CSPP1: variants seen among roughly 807,000 people sequenced by gnomAD.
CSPP1 encodes the protein centrosome and spindle pole-associated protein 1.
CSPP1 carries 126 observed loss-of-function variants against 164.4 expected under a neutral mutation model. That is an observed-to-expected ratio of 0.77 (90% CI 0.66 to 0.89). The LOEUF (loss-of-function observed/expected upper bound fraction) is 0.89. Among genes scored for constraint, CSPP1 ranks in the 40% least tolerant of loss-of-function variants. CSPP1 has a pLI of 0.00. For synonymous variants in CSPP1, 472 were observed against 476.7 expected (o/e 0.99, Z 0.13); for missense variants, 1,395 against 1,449.8 (o/e 0.96, Z 0.61).
chr8:67,129,475 A>G (rs1479394081), intron 15 of CSPP1, among the ~76,000 whole-genome samples: 2 of 152,204 alleles, frequency 1.3e-5, no homozygotes, highest in Non-Finnish European at 2.9e-5. Flanking sequence ...GCAGTTCCTT[A>G]AAAAGAATAT....
chr8:67,076,502 T>G lies in CSPP1; in HGVS notation c.120T>G (p.Leu40=), dbSNP rs1807948120. 3.1e-6 allele frequency: 5 copies of G among 1,591,038 alleles called. No homozygotes were observed. The African/African-American group carries it at 6.8e-5, about 22-fold the overall frequency. Residue 40 remains leucine (L), a synonymous_variant, in exon 3 of 31, where the codon CTT becomes CTG. Transcript: ENST00000678616. The part of the protein sequence containing the change: ...MEMKGKLSAK[L]SENSKILISM... Reference sequence around the variant, plus strand: ...TTCAGGGAAAGTTGTCAGCGAAGCTTTCTGAAAACAGTAAGATACTGATCT... The same window carrying G: ...TTCAGGGAAAGTTGTCAGCGAAGCTGTCTGAAAACAGTAAGATACTGATCT...
At chr8:67,095,264 T>G (rs772501172) in intron 6 of CSPP1, 29 bp from the exon 7 acceptor site, 3 of 1,434,062 alleles carry the variant, frequency 2.1e-6, no homozygotes, top group Non-Finnish European at 2.8e-6. Flanking sequence ...TGTCAAGTTT[T>G]GTTTCTTTTT....
In CSPP1 at chr8:67,195,387, G is replaced by T; in HGVS notation, c.3475G>T (p.Glu1159Ter). 5 of 1,613,270 alleles carry T rather than the reference G, an allele frequency of 3.1e-6. No homozygotes were observed. The highest frequency in any genetic ancestry group is 4.2e-6 in the Non-Finnish European group (5 of 1,179,286). The change falls in exon 31 of 31, where the codon GAG (glutamate) becomes TAG (stop). Residue 1159 changes from glutamate to a stop codon, truncating the protein, a stop_gained. Coordinates refer to ENST00000678616, the MANE Select transcript of CSPP1 (RefSeq NM_001382391.1). LOFTEE classifies it high-confidence loss of function. ...GTGTCCCTTGCCTCCTGTAGATGAT[G>T]AGAGTTCACTGGTTGACCCTGATGA... ...FHNKPINTDD[E>*]SSLVDPDDIM...
intron 17 of CSPP1, among the ~76,000 whole-genome samples, chr8:67,137,861 A>G (rs1822673469): frequency 6.6e-6 from 1 of 152,134 alleles, no homozygotes; most frequent in African/African-American, 2.4e-5. Context: ...AGAAAAGCTC[A>G]TGTTAGTTGA....
intron 2 of CSPP1, chr8:67,074,834 G>A (rs1477371602): frequency 7.0e-6 from 2 of 284,962 alleles, no homozygotes; most frequent in African/African-American, 2.4e-5. Context: ...AGGCAGGACT[G>A]CAATGGTGTG....
chr8:67,086,279 A>T, intron 4 of CSPP1, 169 bp downstream of exon 4: 2 of 701,524 alleles, frequency 2.9e-6, no homozygotes, highest in South Asian at 1.4e-5. Context: ...AGAGAAAAAA[A>T]TATTGCTGAG....
Position 67,118,821 on chromosome 8 carries a change from T to G in CSPP1, c.1697T>G (p.Val566Gly). The part of the protein sequence containing the change: ...PVTHQLAQPV[V>G]NTVGQNELKI... ...ACCCACCAACTAGCACAACCTGTTG[T>G]GTAAGTTATTAGTTAAAAGAATAAT... The change falls in exon 15 of 31, where the codon GTG becomes GGG. Residue 566 changes from valine to glycine, a missense_variant and splice_region_variant. Physicochemically the swap from Val to Gly is moderately radical, Grantham distance 109 (BLOSUM62 -3). Transcript: ENST00000678616. 2 of 1,600,648 alleles carry G rather than the reference T, an allele frequency of 1.2e-6. No individual in the cohort carries two copies. The highest frequency in any genetic ancestry group is 1.1e-5 in the South Asian group (1 of 90,680).
At chr8:67,164,141 T>C (rs1828880756) in intron 23 of CSPP1, among the ~76,000 whole-genome samples, 1 of 152,230 alleles carries the variant, frequency 6.6e-6, no homozygotes, top group South Asian at 2.1e-4. Flanking sequence ...CTTGGGCCTC[T>C]CCTTTATAGT....
At position 67,086,890 on chromosome 8, in the gene CSPP1, T is replaced by G. The variant is rs1337646300; in HGVS notation, c.303+780T>G. 5 of 593,380 alleles carry G rather than the reference T, an allele frequency of 8.4e-6. No homozygotes were observed. In the South Asian group the frequency reaches 2.1e-4, roughly 25 times the overall value. 36.8% of individuals were successfully genotyped at this position (593,380 alleles called of 1,614,324 possible). ...CGTCCTCCTTCAGTTTTTTCTTTCT[T>G]TTTTTTTTTTTTTACGATCTAGAAG... On this transcript the variant is annotated intron_variant, in intron 4 of 30. Transcript: ENST00000678616.
intron 18 of CSPP1, among the ~76,000 whole-genome samples, chr8:67,153,192 ACT>A (rs1367699232): frequency 6.6e-6 from 1 of 152,106 alleles, no homozygotes; most frequent in African/African-American, 2.4e-5. Context: ...ACAGAGCAAG[ACT>A]CTGTCTCAAA....
intron 18 of CSPP1, among the ~76,000 whole-genome samples, chr8:67,152,638 G>A (rs1206034619): frequency 6.6e-6 from 1 of 152,182 alleles, no homozygotes; most frequent in Admixed American, 6.5e-5. Flanking sequence ...GAGCATCACG[G>A]TGAAACATGC....
At chr8:67,121,139 C>T (rs1467394326) in intron 15 of CSPP1, among the ~76,000 whole-genome samples, 1 of 152,162 alleles carries the variant, frequency 6.6e-6, no homozygotes, top group Non-Finnish European at 1.5e-5. Flanking sequence ...AGGTGTGAGC[C>T]ACTGCGCCTG....
rs781016601 is a variant in CSPP1 at position 67,193,535 on chromosome 8, G to C, written c.3402G>C (p.Glu1134Asp). 1 of 1,613,018 alleles carries C rather than the reference G, an allele frequency of 6.2e-7. No homozygotes were observed. Among genetic ancestry groups the C allele is most frequent in the Non-Finnish European group, 8.5e-7 (1 of 1,178,968 alleles). ...LKSISSVNVD[E>D]LRVRNEERMR... is the part of the protein sequence containing the mutation. ...CTATATCCAGTGTAAATGTTGATGA[G>C]CTTAGAGTGAGAAATGAGGAACGAA... The change falls in exon 30 of 31, where the codon GAG (glutamate) becomes GAC (aspartate). Residue 1134 changes from glutamate to aspartate, a missense_variant. Physicochemically the swap from Glu to Asp is conservative, Grantham distance 45. Coordinates refer to ENST00000678616, the MANE Select transcript of CSPP1 (RefSeq NM_001382391.1).
intron 1 of CSPP1, among the ~76,000 whole-genome samples, chr8:67,071,990 A>C (rs1806887368): frequency 6.6e-6 from 1 of 152,230 alleles, no homozygotes; most frequent in Non-Finnish European, 1.5e-5. Flanking sequence ...GGTTAGGCAA[A>C]GATTTTTTTT....
At chr8:67,121,666 G>T (rs1021182833) in intron 15 of CSPP1, among the ~76,000 whole-genome samples, 5 of 152,074 alleles carry the variant, frequency 3.3e-5, no homozygotes, top group African/African-American at 1.2e-4. Context: ...ATAATGTTGG[G>T]CTTATAGAAG....
intron 21 of CSPP1, among the ~76,000 whole-genome samples, chr8:67,159,830 CTTTCTT>C (rs1827433953): frequency 8.0e-6 from 1 of 124,636 alleles, no homozygotes; most frequent in Non-Finnish European, 1.6e-5. Flanking sequence ...CCTTCTCTCT[CTTTCTT>C]TCTTTCTTTC....
intron 17 of CSPP1, among the ~76,000 whole-genome samples, chr8:67,144,435 A>C (rs1472753489): frequency 6.6e-6 from 1 of 151,720 alleles, no homozygotes; most frequent in Non-Finnish European, 1.5e-5. Context: ...ATGAATTGGG[A>C]AATGTTTTTT....
chr8:67,120,877 A>G (rs778045359), intron 15 of CSPP1, among the ~76,000 whole-genome samples: 2 of 151,076 alleles, frequency 1.3e-5, no homozygotes, highest in Non-Finnish European at 2.9e-5. Context: ...TTTTTGAGAC[A>G]GAGTCTCACC....
At chr8:67,140,877 C>T (rs1440810868) in intron 17 of CSPP1, among the ~76,000 whole-genome samples, 1 of 152,114 alleles carries the variant, frequency 6.6e-6, no homozygotes, top group Non-Finnish European at 1.5e-5. Context: ...TGGGGCCTGG[C>T]CTGGATGTGG....
Sources: gnomAD v4.1 joint callset for allele counts (sites outside exome capture counted in the v4.1 genomes callset) on GRCh38, gnomAD v4.1.1 for gene constraint, MANE v1.5 for transcripts, NCBI Gene and HGNC (gene_info 2026-07-23, HGNC 2026-07-21) for gene names.